The following STK32C variants were observed in gnomAD, a reference collection of about 807,000 sequenced individuals.
STK32C encodes the protein serine/threonine kinase 32C.
In STK32C, 31 loss-of-function variants were observed where a neutral mutation model predicts 56.5. That is an observed-to-expected ratio of 0.55 (90% CI 0.41 to 0.74). STK32C has a LOEUF of 0.74. Among genes scored for constraint, STK32C ranks in the 30% least tolerant of loss-of-function variants. The pLI is 0.00. For synonymous variants in STK32C, 309 were observed against 289.4 expected (o/e 1.07, Z -0.69); for missense variants, 544 against 676.9 (o/e 0.80, Z 2.18).
intron 10 of STK32C, among the ~76,000 whole-genome samples, chr10:132,212,413 A>C (rs2062336996): frequency 6.6e-6 from 1 of 152,220 alleles, no homozygotes; most frequent in Admixed American, 6.5e-5. Context: ...TGTTCATAAA[A>C]ATTAACCCAA....
chr10:132,230,543 G>C (rs376123811), intron 2 of STK32C, among the ~76,000 whole-genome samples: 18 of 152,354 alleles, frequency 1.2e-4, no homozygotes, highest in African/African-American at 4.1e-4. Flanking sequence ...AAGGCTGTTT[G>C]TTGCCCTGGG....
chr10:132,218,375 TAAA>T (rs555819646), intron 10 of STK32C, among the ~76,000 whole-genome samples: 1 of 151,806 alleles, frequency 6.6e-6, no homozygotes, highest in Non-Finnish European at 1.5e-5. Flanking sequence ...CAGAGTAGAC[TAAA>T]AAAAAGACAA....
chr10:132,249,016 T>A (rs762854370), intron 1 of STK32C: 7 of 466,824 alleles, frequency 1.5e-5, no homozygotes, highest in African/African-American at 1.2e-4. Flanking sequence ...TTGGGTCACC[T>A]GCGCCCTGCA....
rs184230832 is a variant in STK32C at position 132,208,444 on chromosome 10, C to G, written c.1320-293G>C. ...GACTTGGGAATGAGGCTCGGCTAAG[C>G]CTCATTCTTCACCCGGTCATCTGAT... On this transcript the variant is annotated intron_variant, in intron 11 of 11. Transcript: ENST00000298630. Among the ~76,000 whole-genome samples the G allele has an allele frequency of 5.9e-5, 9 of 152,328 alleles. 1 individual carries two copies. In the East Asian group the frequency reaches 1.4e-3, roughly 23 times the overall value.
chr10:132,326,037 A>G (rs1344014793), intron 1 of STK32C, among the ~76,000 whole-genome samples: 2 of 152,056 alleles, frequency 1.3e-5, no homozygotes, highest in Non-Finnish European at 2.9e-5. Flanking sequence ...CTTTATCAGC[A>G]GCGTGAAAAT....
At chr10:132,302,194 G>A (rs576028575) in intron 1 of STK32C, among the ~76,000 whole-genome samples, 1 of 152,354 alleles carries the variant, frequency 6.6e-6, no homozygotes, top group South Asian at 2.1e-4. Context: ...TTCACCCGCA[G>A]AGAATCAATC....
At chr10:132,281,279 C>A (rs1161917851) in intron 1 of STK32C, among the ~76,000 whole-genome samples, 1 of 151,386 alleles carries the variant, frequency 6.6e-6, no homozygotes, top group East Asian at 2.2e-4. Flanking sequence ...CGTGTTTGAA[C>A]CTTCTACTTG....
At chr10:132,264,223 G>A (rs1177252504) in intron 1 of STK32C, among the ~76,000 whole-genome samples, 3 of 152,214 alleles carry the variant, frequency 2.0e-5, no homozygotes, top group Non-Finnish European at 4.4e-5. Context: ...TCACTCTAAA[G>A]TGGTTAATTT....
chr10:132,276,308 C>T (rs2064997292), intron 1 of STK32C, among the ~76,000 whole-genome samples: 1 of 152,196 alleles, frequency 6.6e-6, no homozygotes, highest in South Asian at 2.1e-4. Flanking sequence ...TGGCATCAGG[C>T]GCGTGATCCT....
chr10:132,325,968 G>C (rs546837709), intron 1 of STK32C, among the ~76,000 whole-genome samples: 2 of 152,046 alleles, frequency 1.3e-5, no homozygotes, highest in Non-Finnish European at 2.9e-5. Context: ...TGACCTGCCC[G>C]CCTTGGCTTC....
upstream of STK32C, among the ~76,000 whole-genome samples, chr10:132,310,441 T>G (rs546556840): frequency 1.3e-5 from 2 of 152,198 alleles, no homozygotes; most frequent in South Asian, 2.1e-4. This position sits in a 1 kb window ranked among gnomAD's most constrained non-coding sequence, Gnocchi z 4.6. Context: ...CGTTAAGAGG[T>G]GCACAGTGTA....
chr10:132,287,154 G>C (rs916146937), intron 1 of STK32C, among the ~76,000 whole-genome samples: 10 of 152,030 alleles, frequency 6.6e-5, no homozygotes, highest in African/African-American at 2.2e-4. Flanking sequence ...AATTAAAGAC[G>C]ACCAAAATAA....
intron 1 of STK32C, among the ~76,000 whole-genome samples, chr10:132,301,518 C>T (rs2065910093): frequency 6.6e-6 from 1 of 152,196 alleles, no homozygotes; most frequent in Admixed American, 6.5e-5. Context: ...GAAGACAAGG[C>T]CCCGCAGTGG....
In STK32C at chr10:132,248,848, G is replaced by A. The variant is rs146801231; in HGVS notation, c.263-2893C>T. ...GCACAGCACAGAGCCCTAAGCCTCT[G>A]GCCCCCGAGCTGTGAACCAGCAAGG... On this transcript the variant is annotated intron_variant, in intron 1 of 11. Transcript: ENST00000298630. Among the ~76,000 whole-genome samples, 596 of 152,336 alleles carry A rather than the reference G, an allele frequency of 3.9e-3. 4 individuals carry two copies. The highest frequency in any genetic ancestry group is 6.8e-3 in the Middle Eastern group (2 of 294).
intron 1 of STK32C, among the ~76,000 whole-genome samples, chr10:132,273,373 C>T (rs1255946950): frequency 6.6e-6 from 1 of 152,222 alleles, no homozygotes; most frequent in Non-Finnish European, 1.5e-5. Flanking sequence ...GGAGATATCA[C>T]TGCAGTACCT....
intron 1 of STK32C, among the ~76,000 whole-genome samples, chr10:132,305,665 C>T (rs950493136): frequency 6.6e-6 from 1 of 152,192 alleles, no homozygotes; most frequent in African/African-American, 2.4e-5. Context: ...ATCCCTTCCA[C>T]CAACACGAGT....
intron 1 of STK32C, among the ~76,000 whole-genome samples, chr10:132,251,263 G>A (rs1053343844): frequency 5.9e-5 from 9 of 152,222 alleles, no homozygotes; most frequent in African/African-American, 1.7e-4. Flanking sequence ...ATGGGGGCCC[G>A]TGGAGGGGGC....
chr10:132,269,329 C>G (rs1487457984), intron 1 of STK32C, among the ~76,000 whole-genome samples: 1 of 152,234 alleles, frequency 6.6e-6, no homozygotes, highest in African/African-American at 2.4e-5. Flanking sequence ...CTGGCCTCAT[C>G]TGACCGACAC....
chr10:132,231,608 C>T (rs12780806), intron 2 of STK32C, among the ~76,000 whole-genome samples: 3,403 of 152,244 alleles, frequency 0.022, 46 homozygotes, highest in Admixed American at 0.043. Flanking sequence ...CCAGGAGCCT[C>T]GGAATGTGGC....
Sources: gnomAD v4.1 joint callset for allele counts (sites outside exome capture counted in the v4.1 genomes callset) on GRCh38, gnomAD v4.1.1 for gene constraint, Gnocchi (gnomAD v3.1) non-coding constraint, MANE v1.5 for transcripts, NCBI Gene and HGNC (gene_info 2026-07-23, HGNC 2026-07-21) for gene names.